ACOT7: variants seen among roughly 807,000 people sequenced by gnomAD.
ACOT7 encodes the protein cytosolic acyl coenzyme A thioester hydrolase.
A neutral mutation model predicts 40.2 loss-of-function variants in ACOT7; 12 were observed. The observed-to-expected ratio is 0.30, with a 90% CI of 0.19 to 0.48. The LOEUF (loss-of-function observed/expected upper bound fraction) is 0.48, where lower values mean the gene tolerates loss of function less well. Among genes scored for constraint, ACOT7 ranks in the 20% least tolerant of loss-of-function variants. ACOT7 has a pLI of 0.99. For synonymous variants in ACOT7, 228 were observed against 219.5 expected, an observed-to-expected ratio of 1.04 and a Z score of -0.34; for missense variants, 395 against 530.8, an observed-to-expected ratio of 0.74 and a Z score of 2.51.
intron 8 of ACOT7, among the ~76,000 whole-genome samples, chr1:6,280,224 C>G (rs1422837536): frequency 1.3e-5 from 2 of 152,250 alleles, no homozygotes; most frequent in Non-Finnish European, 2.9e-5. Flanking sequence ...GCAGGAAGCT[C>G]CTACAGCTCT....
intron 8 of ACOT7, among the ~76,000 whole-genome samples, chr1:6,271,416 G>A (rs1416591959): frequency 1.3e-5 from 2 of 152,174 alleles, no homozygotes; most frequent in African/African-American, 4.8e-5. Flanking sequence ...GAGACAAGAG[G>A]GGTCTTGGGA....
intron 2 of ACOT7, among the ~76,000 whole-genome samples, chr1:6,342,727 C>T (rs1641310014): frequency 6.6e-6 from 1 of 152,234 alleles, no homozygotes; most frequent in African/African-American, 2.4e-5. Context: ...ATTCTCATTA[C>T]AAACAATGCT....
chr1:6,384,138 T>C (rs566008276), intron 1 of ACOT7, among the ~76,000 whole-genome samples: 3 of 151,938 alleles, frequency 2.0e-5, no homozygotes, highest in Non-Finnish European at 4.4e-5. Flanking sequence ...CTAGAATATA[T>C]AAAGAGCTCT....
intron 2 of ACOT7, among the ~76,000 whole-genome samples, chr1:6,344,341 C>T (rs1186169621): frequency 6.6e-6 from 1 of 152,208 alleles, no homozygotes; most frequent in Non-Finnish European, 1.5e-5. Context: ...ACACCCCTCA[C>T]ACAGAACCAT....
chr1:6,370,463 T>G (rs997138412), intron 1 of ACOT7, among the ~76,000 whole-genome samples: 65 of 80,956 alleles, frequency 8.0e-4, no homozygotes, highest in Middle Eastern at 6.2e-3. Flanking sequence ...GTTAGTATTA[T>G]TATTATTATT....
At chr1:6,309,042 C>A (rs1361952128) in intron 6 of ACOT7, among the ~76,000 whole-genome samples, 1 of 152,262 alleles carries the variant, frequency 6.6e-6, no homozygotes, top group African/African-American at 2.4e-5. Flanking sequence ...GTCATGTTCG[C>A]CCTGTCGGCT....
chr1:6,360,591 C>G, intron 1 of ACOT7: 1 of 1,614,242 alleles, frequency 6.2e-7, no homozygotes, highest in Non-Finnish European at 8.5e-7. Context: ...CTCCCCAAAA[C>G]AGGCCCTGTC....
intron 8 of ACOT7, among the ~76,000 whole-genome samples, chr1:6,271,586 T>C (rs1166388757): frequency 6.6e-6 from 1 of 152,202 alleles, no homozygotes. Flanking sequence ...CCTGAGGACC[T>C]TGCCTTAGCG....
rs1282306870 is a variant in ACOT7 at position 6,306,247 on chromosome 1, C to G, written c.713-11267G>C. 5.1e-6 allele frequency: 5 copies of G among 979,780 alleles called. No homozygotes were observed. The South Asian group carries it at 1.4e-4, about 28-fold the overall frequency. The allele number at this position is 979,780 out of a possible 1,614,324, so 60.7% of individuals were successfully genotyped here. A position where few individuals can be genotyped will look rare whatever the true frequency, so the allele number is the denominator to read the frequency against. On this transcript the variant is annotated intron_variant, in intron 6 of 8. Transcript: ENST00000361521. This position sits in a 1 kb window ranked among gnomAD's most constrained non-coding sequence, Gnocchi z 4.3. ...GGGGGAGAGGGAGAGGACGTTCTTA[C>G]GGTTCATGGCAAGACCTCAACCAAA...
At position 6,282,859 on chromosome 1, in the gene ACOT7, C is replaced by T; in HGVS notation, c.830-1573G>A. ...CACAAGACGCACCCCGGGAGGAGGG[C>T]AGGCCATGGGTCAGGCCCCAGCTAA... is the stretch of plus-strand genomic sequence containing the variant. On this transcript the variant is annotated intron_variant, in intron 7 of 8. Coordinates refer to ENST00000361521, the MANE Select transcript of ACOT7 (RefSeq NM_007274.4). This position sits in a 1 kb window ranked among gnomAD's most constrained non-coding sequence, Gnocchi z 4.5. The T allele has an allele frequency of 3.3e-6, 4 of 1,206,936 alleles. No individual in the cohort carries two copies. The highest frequency in any genetic ancestry group is 4.4e-6 in the Non-Finnish European group (4 of 900,328). The allele number at this position is 1,206,936 out of a possible 1,614,324, so 74.8% of individuals were successfully genotyped here. A position where few individuals can be genotyped will look rare whatever the true frequency, so the allele number is the denominator to read the frequency against.
At chr1:6,353,208 A>G (rs1641643564) in intron 1 of ACOT7, among the ~76,000 whole-genome samples, 1 of 151,914 alleles carries the variant, frequency 6.6e-6, no homozygotes, top group African/African-American at 2.4e-5. Context: ...CGCAGTGGCT[A>G]CTAGGGAGGC....
intron 1 of ACOT7, among the ~76,000 whole-genome samples, chr1:6,353,022 G>C (rs993474004): frequency 1.3e-5 from 2 of 152,254 alleles, no homozygotes; most frequent in Admixed American, 6.5e-5. Context: ...GGGATTACAA[G>C]CATGCACCAC....
intron 1 of ACOT7, among the ~76,000 whole-genome samples, chr1:6,366,200 C>T (rs868360448): frequency 4.6e-5 from 7 of 152,076 alleles, no homozygotes; most frequent in East Asian, 3.9e-4. Flanking sequence ...ATTAGGATGG[C>T]GACTGCTGAA....
chr1:6,307,217 C>T (rs949374416), intron 6 of ACOT7, among the ~76,000 whole-genome samples: 1 of 152,230 alleles, frequency 6.6e-6, no homozygotes. Context: ...CACTGGTTCT[C>T]GAGTTAGAGA....
chr1:6,321,634 C>T (rs1029032909), intron 5 of ACOT7, among the ~76,000 whole-genome samples: 1 of 152,220 alleles, frequency 6.6e-6, no homozygotes, highest in Non-Finnish European at 1.5e-5. Flanking sequence ...CCTGCCTCAG[C>T]CTCCTGAGTA....
At chr1:6,268,312 G>A (rs981968645) in intron 8 of ACOT7, among the ~76,000 whole-genome samples, 4 of 152,180 alleles carry the variant, frequency 2.6e-5, no homozygotes, top group African/African-American at 9.7e-5. Flanking sequence ...AGTCAGGGCT[G>A]TCAACGCATA....
intron 1 of ACOT7, among the ~76,000 whole-genome samples, chr1:6,389,402 T>C (rs1473243333): frequency 6.6e-6 from 1 of 152,154 alleles, no homozygotes; most frequent in Non-Finnish European, 1.5e-5. Context: ...CAGAGCTGGC[T>C]ACAGTCCCCA....
Position 6,294,856 on chromosome 1 carries a change from G to T in ACOT7, c.829+8C>A. ...TGCCTCCCTCGTCTTTGCCAGAAGAGTGGTTACCTTTTCTGATCTTGTCAT... is the reference window on the plus strand; with the variant it reads ...TGCCTCCCTCGTCTTTGCCAGAAGATTGGTTACCTTTTCTGATCTTGTCAT... On this transcript the variant is annotated splice_region_variant and intron_variant, in intron 7 of 8. Transcript: ENST00000361521. This position sits in a 1 kb window ranked among gnomAD's most constrained non-coding sequence, Gnocchi z 4.6. The T allele has an allele frequency of 1.2e-6, 2 of 1,612,720 alleles. No individual in the cohort carries two copies. The highest frequency in any genetic ancestry group is 1.7e-6 in the Non-Finnish European group (2 of 1,178,844).
At position 6,281,273 on chromosome 1, in the gene ACOT7, G is replaced by T; in HGVS notation, c.843C>A (p.Thr281=). 1 of 1,613,482 alleles carries T rather than the reference G, an allele frequency of 6.2e-7. No homozygotes were observed. The highest frequency in any genetic ancestry group is 8.5e-7 in the Non-Finnish European group (1 of 1,179,978). Reference sequence around the variant, plus strand: ...TCGTGAAGGTCATGCGTCCCGAGATGGTGATGACGCAGCCTGTGGAGAAGG... The same window carrying T: ...TCGTGAAGGTCATGCGTCCCGAGATTGTGATGACGCAGCCTGTGGAGAAGG... ...HDKIRKGCVI[T]ISGRMTFTSN... is the part of the protein sequence containing the mutation. The change falls in exon 8 of 9, where the codon ACC becomes ACA. Residue 281 remains threonine, a synonymous_variant. Coordinates refer to ENST00000361521, the MANE Select transcript of ACOT7 (RefSeq NM_007274.4).
Sources: allele counts gnomAD v4.1 joint callset (sites outside exome capture counted in the v4.1 genomes callset), GRCh38; gene constraint gnomAD v4.1.1; non-coding constraint Gnocchi (gnomAD v3.1); transcripts MANE v1.5; gene names NCBI Gene and HGNC (gene_info 2026-07-23, HGNC 2026-07-21).